MINPP1: variants seen among roughly 807,000 people sequenced by gnomAD.
MINPP1 encodes multiple inositol polyphosphate phosphatase 1.
Under a neutral mutation model 46.1 loss-of-function variants are expected in MINPP1, and 28 were observed. The observed-to-expected ratio is 0.61, with a 90% CI of 0.45 to 0.83. The LOEUF is 0.83. Among genes scored for constraint, MINPP1 ranks in the 40% least tolerant of loss-of-function variants. The pLI is 0.00. For missense variants in MINPP1, 603 were observed against 610.0 expected, an observed-to-expected ratio of 0.99 and a Z score of 0.12; for synonymous variants, 268 against 249.1, an observed-to-expected ratio of 1.08 and a Z score of -0.72.
chr10:87,538,797 T>C (rs1032038894), intron 4 of MINPP1, among the ~76,000 whole-genome samples: 1 of 152,260 alleles, frequency 6.6e-6, no homozygotes, highest in Non-Finnish European at 1.5e-5. Flanking sequence ...TCCTGGATCA[T>C]GTTTAAAAAC....
At chr10:87,523,866 G>T (rs981781127) in intron 4 of MINPP1, among the ~76,000 whole-genome samples, 1 of 152,170 alleles carries the variant, frequency 6.6e-6, no homozygotes, top group Non-Finnish European at 1.5e-5. Flanking sequence ...TGAGCAGGAG[G>T]TCTCAATAGT....
At chr10:87,510,602 T>C (rs1851320985) in intron 2 of MINPP1, among the ~76,000 whole-genome samples, 1 of 152,178 alleles carries the variant, frequency 6.6e-6, no homozygotes, top group African/African-American at 2.4e-5. Flanking sequence ...ATTTGTAAGA[T>C]AAAATAGGTG....
Position 87,521,027 on chromosome 10 carries a change from T to G in MINPP1, c.934-9T>G. The stretch of plus-strand genomic sequence containing the variant: ...AAATATATTAGAAATTATTTTTGAA[T>G]TTTTTTAGGTATTAGAATATTTAAA... On this transcript the variant is annotated splice_polypyrimidine_tract_variant and intron_variant, in intron 3 of 4. Coordinates refer to ENST00000371996, the MANE Select transcript of MINPP1 (RefSeq NM_004897.5). 2 of 939,568 alleles carry G rather than the reference T, an allele frequency of 2.1e-6. No individual in the cohort carries two copies. The highest frequency in any genetic ancestry group is 3.4e-6 in the Non-Finnish European group (2 of 595,572). The allele number at this position is 939,568 out of a possible 1,614,324, so 58.2% of individuals were successfully genotyped here.
At chr10:87,538,314 C>T (rs1018341765) in intron 4 of MINPP1, among the ~76,000 whole-genome samples, 8 of 152,224 alleles carry the variant, frequency 5.3e-5, no homozygotes, top group African/African-American at 7.2e-5. Flanking sequence ...CTGCTCAGGG[C>T]GACTTCCCGA....
At chr10:87,519,255 A>G (rs1851459598) in intron 3 of MINPP1, among the ~76,000 whole-genome samples, 3 of 152,194 alleles carry the variant, frequency 2.0e-5, no homozygotes, top group Admixed American at 1.3e-4. Flanking sequence ...AAGAATATAT[A>G]CAATCATTAA....
intron 3 of MINPP1, among the ~76,000 whole-genome samples, chr10:87,514,963 G>A (rs531865491): frequency 1.3e-5 from 2 of 151,820 alleles, no homozygotes; most frequent in Non-Finnish European, 2.9e-5. Flanking sequence ...TGATCTGCCC[G>A]CCTGGGCCCC....
chr10:87,540,111 T>G (rs1851793114), intron 4 of MINPP1, among the ~76,000 whole-genome samples: 1 of 152,102 alleles, frequency 6.6e-6, no homozygotes. Context: ...CTCAAGCAGT[T>G]CTCCCATCTG....
At chr10:87,525,792 G>GA (rs1851568375) in intron 4 of MINPP1, among the ~76,000 whole-genome samples, 1 of 152,186 alleles carries the variant, frequency 6.6e-6, no homozygotes, top group South Asian at 2.1e-4. Context: ...ACCTATGAGT[G>GA]AAAACATGCA....
At chr10:87,550,385 A>C (rs1232076056) in intron 4 of MINPP1, among the ~76,000 whole-genome samples, 1 of 152,170 alleles carries the variant, frequency 6.6e-6, no homozygotes, top group Non-Finnish European at 1.5e-5. Context: ...GAGGCTTGGT[A>C]AGCGCCTGTT....
Position 87,552,688 on chromosome 10 carries a change from A to C in MINPP1, c.*210A>C, listed in dbSNP as rs1564686098. On this transcript the variant is annotated 3_prime_UTR_variant, in exon 5 of 5. Transcript: ENST00000371996. The stretch of plus-strand genomic sequence containing the variant: ...GAGCAGCTCTCTTAAGGAGAAACAA[A>C]TCTATTTAGAGAAACAGCTGGCCCT... The C allele has an allele frequency of 1.8e-6, 1 of 545,892 alleles. No homozygotes were observed. The highest frequency in any genetic ancestry group is 3.2e-6 in the Non-Finnish European group (1 of 310,730). The allele number at this position is 545,892 out of a possible 1,614,324, so 33.8% of individuals were successfully genotyped here.
intron 4 of MINPP1, among the ~76,000 whole-genome samples, chr10:87,528,092 T>G (rs1458804029): frequency 6.6e-6 from 1 of 152,206 alleles, no homozygotes; most frequent in Non-Finnish European, 1.5e-5. Context: ...TTGATTCTTC[T>G]TTCTTTTCTT....
chr10:87,515,433 A>C (rs1851399879), intron 3 of MINPP1, among the ~76,000 whole-genome samples: 1 of 152,172 alleles, frequency 6.6e-6, no homozygotes, highest in Middle Eastern at 3.2e-3. Flanking sequence ...AATTTAAATG[A>C]CTGTGACTTG....
At chr10:87,532,033 T>C (rs902505205) in intron 4 of MINPP1, among the ~76,000 whole-genome samples, 3 of 152,228 alleles carry the variant, frequency 2.0e-5, no homozygotes, top group African/African-American at 7.2e-5. Flanking sequence ...ATTGGTATTA[T>C]ATGTGATAGT....
At chr10:87,531,391 T>C (rs888316505) in intron 4 of MINPP1, among the ~76,000 whole-genome samples, 1 of 152,222 alleles carries the variant, frequency 6.6e-6, no homozygotes, top group East Asian at 1.9e-4. Flanking sequence ...GAGGGAAAAA[T>C]GCAACTAATT....
intron 4 of MINPP1, among the ~76,000 whole-genome samples, chr10:87,537,080 G>C (rs184410865): frequency 4.7e-4 from 71 of 152,240 alleles, no homozygotes; most frequent in African/African-American, 1.7e-3. Flanking sequence ...GGGATTACAG[G>C]CATGTGCCAC....
chr10:87,508,586 CT>C, intron 2 of MINPP1, 53 bp downstream of exon 2: 1 of 1,506,616 alleles, frequency 6.6e-7, no homozygotes, highest in Non-Finnish European at 9.2e-7. Context: ...TAATTTTGAA[CT>C]GTGAAAATGA....
chr10:87,509,203 G>A (rs1851299493), intron 2 of MINPP1, among the ~76,000 whole-genome samples: 1 of 152,140 alleles, frequency 6.6e-6, no homozygotes, highest in Non-Finnish European at 1.5e-5. Flanking sequence ...TGTTTTCTAG[G>A]AATTTATGTT....
In MINPP1 at chr10:87,508,434, C is replaced by T; in HGVS notation, c.736C>T (p.Leu246Phe). ...TGAAGTAGAAAAAAATGCTACAGCT[C>T]TTTATCACGTGGAAGCCTTCAAAAC... is the stretch of plus-strand genomic sequence containing the variant. The part of the protein sequence containing the change: ...LTEVEKNATA[L>F]YHVEAFKTGP... The change falls in exon 2 of 5, where the codon CTT (leucine) becomes TTT (phenylalanine). Residue 246 changes from leucine (L) to phenylalanine (F), a missense_variant. Leu to Phe is a conservative substitution (Grantham distance 22, BLOSUM62 0). Coordinates refer to ENST00000371996, the MANE Select transcript of MINPP1 (RefSeq NM_004897.5). The T allele has an allele frequency of 2.5e-6, 4 of 1,613,754 alleles. No individual in the cohort carries two copies. Among genetic ancestry groups the T allele is most frequent in the Non-Finnish European group, 3.4e-6 (4 of 1,179,848 alleles).
At chr10:87,543,984 C>A (rs947050547) in intron 4 of MINPP1, among the ~76,000 whole-genome samples, 3 of 152,180 alleles carry the variant, frequency 2.0e-5, no homozygotes, top group African/African-American at 7.2e-5. Flanking sequence ...GGGTTCCCCA[C>A]CAATAAGCAG....
Sources: allele counts gnomAD v4.1 joint callset (sites outside exome capture counted in the v4.1 genomes callset), GRCh38; gene constraint gnomAD v4.1.1; transcripts MANE v1.5; gene names NCBI Gene and HGNC (gene_info 2026-07-23, HGNC 2026-07-21).